The following MGST1 variants were observed in gnomAD, a reference collection of about 807,000 sequenced individuals.
The protein encoded by MGST1 is microsomal glutathione S-transferase 1.
MGST1 carries 5 observed loss-of-function variants against 8.9 expected under a neutral mutation model. The ratio of observed to expected loss-of-function variants is 0.56; its 90% CI spans 0.29 to 1.19. The LOEUF is 1.19. Among genes scored for constraint, MGST1 ranks in the 50% most tolerant of loss-of-function variants. The pLI is 0.08. For missense variants in MGST1, 182 were observed against 187.4 expected, an observed-to-expected ratio of 0.97 and a Z score of 0.17; for synonymous variants, 54 against 67.8, an observed-to-expected ratio of 0.80 and a Z score of 1.00.
intron 1 of MGST1, among the ~76,000 whole-genome samples, chr12:16,398,086 AT>A (rs34896307): frequency 0.39 from 57,700 of 147,170 alleles, 11,111 homozygotes; most frequent in East Asian, 0.53. Context: ...TCTTGGTTAG[AT>A]TTTTTTTTTT....
chr12:16,524,530 G>A (rs1160484440), intron 4 of MGST1, among the ~76,000 whole-genome samples: 3 of 151,990 alleles, frequency 2.0e-5, no homozygotes, highest in African/African-American at 4.8e-5. Flanking sequence ...TGGTAGTGCT[G>A]ACCACATCAG....
chr12:16,466,182 C>T (rs1331704507), intron 4 of MGST1, among the ~76,000 whole-genome samples: 1 of 152,126 alleles, frequency 6.6e-6, no homozygotes, highest in Non-Finnish European at 1.5e-5. Flanking sequence ...GATTTCTGCT[C>T]ACATTCATTG....
At chr12:16,367,437 C>T (rs2137013813), downstream of MGST1, 1 of 152,334 alleles carries the variant, frequency 6.6e-6, no homozygotes. Context: ...TTGTAACTGT[C>T]TCATGGCCTG....
At position 16,568,658 on chromosome 12, in the gene MGST1, T is replaced by G. The variant is rs1485807771; in HGVS notation, n.483-20870T>G. Among the ~76,000 whole-genome samples the G allele has an allele frequency of 2.6e-5, 4 of 152,382 alleles. No individual in the cohort carries two copies. The South Asian group carries it at 6.2e-4, about 24-fold the overall frequency. ...GATTACACATTGAGATGGTAATCTT[T>G]GGATACATTGCATTAAATACGTTGT... On this transcript the variant is annotated intron_variant and non_coding_transcript_variant, in intron 4 of 4. Transcript: ENST00000538857.
At chr12:16,532,037 C>T (rs1941726754) in intron 4 of MGST1, among the ~76,000 whole-genome samples, 1 of 152,080 alleles carries the variant, frequency 6.6e-6, no homozygotes, top group Non-Finnish European at 1.5e-5. Context: ...TCAAGCTTCC[C>T]AAATTCAAAA....
intron 1 of MGST1, among the ~76,000 whole-genome samples, chr12:16,421,662 A>G (rs1471180503): frequency 6.6e-6 from 1 of 152,136 alleles, no homozygotes; most frequent in Non-Finnish European, 1.5e-5. Context: ...ATGGTGTGGT[A>G]TGGGATAGGT....
At position 16,426,042 on chromosome 12, in the gene MGST1, A is replaced by G. The variant is rs182421193; in HGVS notation, n.779-11346A>G. On this transcript the variant is annotated intron_variant and non_coding_transcript_variant, in intron 1 of 1. Transcript: ENST00000359720. ...GACTCCTTATGGACTCCTTGATTCC[A>G]TTCTATTGTCTTGACCAGTAACCCT... is the stretch of plus-strand genomic sequence containing the variant. 1.2e-4 allele frequency among the ~76,000 whole-genome samples: 18 copies of G among 152,158 alleles called. No homozygotes were observed. In the East Asian group the frequency reaches 3.3e-3, roughly 28 times the overall value.
intron 3 of MGST1, among the ~76,000 whole-genome samples, chr12:16,358,381 G>A (rs112444792): frequency 2.6e-4 from 40 of 152,082 alleles, no homozygotes; most frequent in African/African-American, 9.2e-4. Flanking sequence ...GTGAGAACTT[G>A]TGGTATTTGT....
chr12:16,476,629 TATA>T (rs1941325416), intron 4 of MGST1, among the ~76,000 whole-genome samples: 1 of 152,208 alleles, frequency 6.6e-6, no homozygotes, highest in Non-Finnish European at 1.5e-5. Flanking sequence ...ATTGGTTAAA[TATA>T]ATCATTTTGT....
chr12:16,424,435 G>A (rs1420168465), intron 1 of MGST1, among the ~76,000 whole-genome samples: 1 of 152,170 alleles, frequency 6.6e-6, no homozygotes, highest in Non-Finnish European at 1.5e-5. Flanking sequence ...TCCTAAATCT[G>A]TAAGTTGCTG....
At chr12:16,365,733 G>A (rs143080893), downstream of MGST1, among the ~76,000 whole-genome samples, 71 of 116,354 alleles carry the variant, frequency 6.1e-4, 1 homozygote, top group Non-Finnish European at 9.4e-4. Context: ...GAACATGCAC[G>A]CGTGCACGCG....
At chr12:16,567,144 T>C (rs1682929154) in intron 4 of MGST1, among the ~76,000 whole-genome samples, 1 of 152,042 alleles carries the variant, frequency 6.6e-6, no homozygotes, top group African/African-American at 2.4e-5. Context: ...TGCAGTGAGC[T>C]GAGATCGTGC....
At chr12:16,416,248 T>C (rs1940787633) in intron 1 of MGST1, among the ~76,000 whole-genome samples, 1 of 152,196 alleles carries the variant, frequency 6.6e-6, no homozygotes, top group African/African-American at 2.4e-5. Flanking sequence ...AAACTATTTA[T>C]AAATGTTCTG....
At chr12:16,414,788 C>T (rs1198637727) in intron 1 of MGST1, among the ~76,000 whole-genome samples, 10 of 152,054 alleles carry the variant, frequency 6.6e-5, no homozygotes, top group Admixed American at 1.3e-4. Context: ...TTTGGGAGGG[C>T]GAGGCTGGCA....
chr12:16,523,714 T>G (rs1941663660), intron 4 of MGST1, among the ~76,000 whole-genome samples: 2 of 152,104 alleles, frequency 1.3e-5, no homozygotes, highest in African/African-American at 4.8e-5. Context: ...CTGTAGGCGT[T>G]GTTGTAAAGA....
At chr12:16,472,437 T>G (rs906000738) in intron 4 of MGST1, among the ~76,000 whole-genome samples, 2 of 151,854 alleles carry the variant, frequency 1.3e-5, no homozygotes, top group Non-Finnish European at 2.9e-5. Flanking sequence ...CCTTCTGTTT[T>G]TTTTTTTTTT....
intron 4 of MGST1, among the ~76,000 whole-genome samples, chr12:16,449,688 A>C (rs1029078258): frequency 6.6e-6 from 1 of 151,926 alleles, no homozygotes; most frequent in Non-Finnish European, 1.5e-5. Context: ...GCTTTGTGAT[A>C]AAATCCTACT....
At chr12:16,446,357 G>A (rs906646388) in intron 4 of MGST1, among the ~76,000 whole-genome samples, 10 of 151,850 alleles carry the variant, frequency 6.6e-5, no homozygotes, top group African/African-American at 2.4e-4. Flanking sequence ...CACTTAACAG[G>A]TTGTAGGTCT....
rs1046376439 is a variant in MGST1 at position 16,482,729 on chromosome 12, A to T, written n.482+99125A>T. Reference sequence around the variant, plus strand: ...TCTAGAGACAGGTATGTTCTGGAGAAGGGAAAAGATAATGGCTGAGATACG... The same window carrying T: ...TCTAGAGACAGGTATGTTCTGGAGATGGGAAAAGATAATGGCTGAGATACG... On this transcript the variant is annotated intron_variant and non_coding_transcript_variant, in intron 4 of 4. Transcript: ENST00000538857. The surrounding 1 kb of genome is among the most constrained non-coding windows in gnomAD (Gnocchi z 4.2). 1.3e-5 allele frequency among the ~76,000 whole-genome samples: 2 copies of T among 152,228 alleles called. No homozygotes were observed. The highest frequency in any genetic ancestry group is 2.9e-5 in the Non-Finnish European group (2 of 68,038).
Sources: allele counts gnomAD v4.1 joint callset (sites outside exome capture counted in the v4.1 genomes callset), GRCh38; gene constraint gnomAD v4.1.1; non-coding constraint Gnocchi (gnomAD v3.1); transcripts MANE v1.5; gene names NCBI Gene and HGNC (gene_info 2026-07-23, HGNC 2026-07-21).